LYSMD2: variants seen among roughly 807,000 people sequenced by gnomAD.
The protein encoded by LYSMD2 is lysM and putative peptidoglycan-binding domain-containing protein 2.
A neutral mutation model predicts 17.7 loss-of-function variants in LYSMD2; 6 were observed. That is an observed-to-expected ratio of 0.34 (90% CI 0.19 to 0.67). LYSMD2 has a LOEUF of 0.67. Ranked by LOEUF, LYSMD2 falls within the 30% of genes least tolerant of loss-of-function variation. LYSMD2 has a pLI of 0.69. For synonymous variants in LYSMD2, 102 were observed against 129.8 expected, an observed-to-expected ratio of 0.79 and a Z score of 1.45; for missense variants, 237 against 286.7, an observed-to-expected ratio of 0.83 and a Z score of 1.25.
At chr15:51,733,332 C>G (rs927320161) in intron 1 of LYSMD2, among the ~76,000 whole-genome samples, 1 of 151,410 alleles carries the variant, frequency 6.6e-6, no homozygotes, top group Non-Finnish European at 1.5e-5. Context: ...GATACATTTT[C>G]TTTTTCTACT....
chr15:51,728,552 A>G (rs1406803609), intron 1 of LYSMD2, among the ~76,000 whole-genome samples: 1 of 151,960 alleles, frequency 6.6e-6, no homozygotes, highest in Non-Finnish European at 1.5e-5. Flanking sequence ...GAGAAGGAAG[A>G]AGGTAGAAAT....
rs543559508 is a variant in LYSMD2, at chr15:51,728,927, C to T, written c.274-3806G>A. The stretch of plus-strand genomic sequence containing the variant: ...GTAAGAATATATAGGGAAAATCTCA[C>T]ATGGATAAGCCCAGATGAATACCAT... On this transcript the variant is annotated intron_variant, in intron 1 of 2. Transcript: ENST00000267838. Among the ~76,000 whole-genome samples the T allele has an allele frequency of 6.6e-5, 10 of 151,902 alleles. No homozygotes were observed. The East Asian group carries it at 1.9e-3, about 29-fold the overall frequency.
chr15:51,725,359 A>C (rs2055532518), intron 1 of LYSMD2, among the ~76,000 whole-genome samples: 1 of 152,208 alleles, frequency 6.6e-6, no homozygotes, highest in Non-Finnish European at 1.5e-5. Flanking sequence ...ACATTATACT[A>C]TTTCTACTAC....
In LYSMD2 at chr15:51,737,457, C is replaced by A; in HGVS notation, c.166G>T (p.Ala56Ser). 1 of 1,424,416 alleles carries A rather than the reference C, an allele frequency of 7.0e-7. No individual in the cohort carries two copies. Among genetic ancestry groups the A allele is most frequent in the South Asian group, 1.4e-5 (1 of 71,752 alleles). The allele number at this position is 1,424,416 out of a possible 1,614,324, so 88.2% of individuals were successfully genotyped here. A position where few individuals can be genotyped will look rare whatever the true frequency, so the allele number is the denominator to read the frequency against. Residue 56 changes from alanine (A) to serine (S), a missense_variant, in exon 1 of 3, where the codon GCC becomes TCC. By Grantham distance (99) the Ala-to-Ser change is moderately conservative. Transcript: ENST00000267838. This position sits in a 1 kb window ranked among gnomAD's most constrained non-coding sequence, Gnocchi z 4.2. ...GCGCCCAGCGGCGCCCGCACGCTGGCGGTGCTGCCGTACGAGCGGGTCTTG... is the reference window on the plus strand; with the variant it reads ...GCGCCCAGCGGCGCCCGCACGCTGGAGGTGCTGCCGTACGAGCGGGTCTTG... ...RTKTRSYGST[A>S]SVRAPLGAGV... is the part of the protein sequence containing the mutation.
chr15:51,728,820 A>T (rs1193795925), intron 1 of LYSMD2, among the ~76,000 whole-genome samples: 1 of 151,872 alleles, frequency 6.6e-6, no homozygotes, highest in Non-Finnish European at 1.5e-5. Context: ...CAGTAAGCCG[A>T]GATTGTGCCA....
chr15:51,737,900 C>A, upstream of LYSMD2: 1 of 243,086 alleles, frequency 4.1e-6, no homozygotes, highest in Non-Finnish European at 7.9e-6. This position sits in a 1 kb window ranked among gnomAD's most constrained non-coding sequence, Gnocchi z 4.2. Flanking sequence ...GAAGACCCTG[C>A]AGAGCGAGGG....
At chr15:51,725,598 TCTC>T (rs2055534667) in intron 1 of LYSMD2, among the ~76,000 whole-genome samples, 1 of 152,150 alleles carries the variant, frequency 6.6e-6, no homozygotes, top group Non-Finnish European at 1.5e-5. Flanking sequence ...ATTGATCCTT[TCTC>T]CTCATGTGTA....
At chr15:51,740,028 C>T (rs866363993), upstream of LYSMD2, among the ~76,000 whole-genome samples, 12 of 152,052 alleles carry the variant, frequency 7.9e-5, no homozygotes, top group African/African-American at 2.9e-4. Context: ...GTGTGATCTC[C>T]GTTCACTGCA....
At chr15:51,751,226 C>T (rs994955174) in intron 1 of LYSMD2, 1 of 701,052 alleles carries the variant, frequency 1.4e-6, no homozygotes, top group Non-Finnish European at 2.6e-6. Flanking sequence ...TCTCCTCCCA[C>T]GCCCACGCCC....
upstream of LYSMD2, among the ~76,000 whole-genome samples, chr15:51,740,812 A>AT (rs1259230776): frequency 1.3e-5 from 2 of 152,320 alleles, no homozygotes; most frequent in African/African-American, 4.8e-5. Flanking sequence ...AAGGTAATAA[A>AT]TAAAAAGATA....
Position 51,737,260 on chromosome 15 carries a change from A to T in LYSMD2, c.273+90T>A. On this transcript the variant is annotated intron_variant, in intron 1 of 2. Transcript: ENST00000267838. The surrounding 1 kb of genome is among the most constrained non-coding windows in gnomAD (Gnocchi z 4.2). ...CCCCATCCCCCAAACCCCCACCCGC[A>T]GTCCCACCCCCACCCCCACCGCACC... The T allele has an allele frequency of 4.2e-4, 32 of 75,304 alleles. No homozygotes were observed. The highest frequency in any genetic ancestry group is 5.7e-4 in the Non-Finnish European group (22 of 38,414). 4.7% of individuals were successfully genotyped at this position (75,304 alleles called of 1,614,324 possible).
intron 1 of LYSMD2, among the ~76,000 whole-genome samples, chr15:51,728,436 T>C (rs2141593176): frequency 6.7e-6 from 1 of 148,412 alleles, no homozygotes; most frequent in South Asian, 2.2e-4. Context: ...CACACACATA[T>C]GGCACACAAG....
intron 2 of LYSMD2, 141 bp from the exon 3 acceptor site, chr15:51,723,790 G>A: frequency 1.9e-6 from 1 of 532,498 alleles, no homozygotes; most frequent in East Asian, 3.3e-5. Flanking sequence ...ACAACTGTAT[G>A]AAATGCCAAT....
intron 1 of LYSMD2, among the ~76,000 whole-genome samples, chr15:51,749,684 C>G (rs2055686947): frequency 1.3e-5 from 2 of 152,234 alleles, no homozygotes; most frequent in Non-Finnish European, 2.9e-5. Flanking sequence ...CTACTATCAG[C>G]TTTCTCTGGG....
At chr15:51,726,946 G>A (rs780297375) in intron 1 of LYSMD2, among the ~76,000 whole-genome samples, 8 of 152,178 alleles carry the variant, frequency 5.3e-5, no homozygotes, top group Non-Finnish European at 1.2e-4. Flanking sequence ...GCAGAGCTAG[G>A]AACTGCAAGA....
At chr15:51,744,723 T>A (rs2055658822) in intron 1 of LYSMD2, among the ~76,000 whole-genome samples, 1 of 152,150 alleles carries the variant, frequency 6.6e-6, no homozygotes, top group Non-Finnish European at 1.5e-5. Context: ...AGAATTAGTA[T>A]CATTCTTCCT....
chr15:51,725,660 G>A (rs1475098706), intron 1 of LYSMD2, among the ~76,000 whole-genome samples: 1 of 151,918 alleles, frequency 6.6e-6, no homozygotes, highest in African/African-American at 2.4e-5. Context: ...GATTAAATGA[G>A]AGCTTATATA....
intron 1 of LYSMD2, among the ~76,000 whole-genome samples, chr15:51,726,775 T>C (rs1191848407): frequency 5.9e-5 from 9 of 152,146 alleles, no homozygotes; most frequent in Non-Finnish European, 1.3e-4. Context: ...TTTAGGCCAA[T>C]TTGAGTTAGG....
intron 1 of LYSMD2, among the ~76,000 whole-genome samples, chr15:51,736,620 T>C (rs1292759972): frequency 6.6e-6 from 1 of 152,192 alleles, no homozygotes; most frequent in Non-Finnish European, 1.5e-5. Flanking sequence ...GGCCATCACA[T>C]AGCTCACAGT....
Sources: allele counts gnomAD v4.1 joint callset (sites outside exome capture counted in the v4.1 genomes callset), GRCh38; gene constraint gnomAD v4.1.1; non-coding constraint Gnocchi (gnomAD v3.1); transcripts MANE v1.5; gene names NCBI Gene and HGNC (gene_info 2026-07-23, HGNC 2026-07-21).